The following DPF3 variants were observed in gnomAD, a reference collection of about 807,000 sequenced individuals.
The protein encoded by DPF3 is double PHD fingers 3, also known as zinc finger protein DPF3.
A neutral mutation model predicts 56.8 loss-of-function variants in DPF3; 18 were observed. The ratio of observed to expected loss-of-function variants is 0.32; its 90% CI spans 0.22 to 0.47. The LOEUF is 0.47. DPF3 is among the 20% of genes least tolerant of loss of function. The probability of loss-of-function intolerance (pLI) is 1.00; values close to 1 mark genes in which losing one functional copy is unlikely to be tolerated. For missense variants in DPF3, 403 were observed against 488.8 expected, an observed-to-expected ratio of 0.82 and a Z score of 1.65; for synonymous variants, 188 against 180.2, an observed-to-expected ratio of 1.04 and a Z score of -0.35.
rs552097902 is a variant in DPF3, at chr14:72,702,848, C to T, written c.605-9635G>A. 8.6e-4 allele frequency among the ~76,000 whole-genome samples: 131 copies of T among 152,246 alleles called. 1 individual carries two copies. Among genetic ancestry groups the T allele is most frequent in the African/African-American group, 3.0e-3 (125 of 41,550 alleles). ...TGGCCAGGCTTTTCTCAAAAGCCAA[C>T]GGTGGATCCAACCCCCAGGTGGGCT... On this transcript the variant is annotated intron_variant, in intron 6 of 10. Transcript: ENST00000556509.
At chr14:72,623,177 T>G (rs768170119) in intron 9 of DPF3, among the ~76,000 whole-genome samples, 4 of 152,230 alleles carry the variant, frequency 2.6e-5, no homozygotes, top group Non-Finnish European at 5.9e-5. Context: ...GTTGCCTATA[T>G]GCAGAGTGAA....
At chr14:72,783,657 T>A (rs1389377921) in intron 1 of DPF3, among the ~76,000 whole-genome samples, 1 of 152,046 alleles carries the variant, frequency 6.6e-6, no homozygotes, top group African/African-American at 2.4e-5. Context: ...TGGGGTGAGG[T>A]AGATAAACGA....
At chr14:72,876,075 G>T (rs555124797) in intron 1 of DPF3, among the ~76,000 whole-genome samples, 1 of 152,388 alleles carries the variant, frequency 6.6e-6, no homozygotes, top group South Asian at 2.1e-4. Flanking sequence ...AGGAAGAGAA[G>T]GAGGAGAAGG....
At chr14:72,791,859 T>A (rs1892447304) in intron 1 of DPF3, among the ~76,000 whole-genome samples, 1 of 152,188 alleles carries the variant, frequency 6.6e-6, no homozygotes, top group African/African-American at 2.4e-5. Context: ...TGCTGCCTCA[T>A]GACCGATCCC....
At chr14:72,661,909 G>T in intron 8 of DPF3, 2 of 963,874 alleles carry the variant, frequency 2.1e-6, no homozygotes, top group Non-Finnish European at 2.4e-6. Context: ...CTCTGTGTTC[G>T]AATCTATTGA....
chr14:72,871,693 G>A (rs1885907305), intron 1 of DPF3, among the ~76,000 whole-genome samples: 1 of 152,174 alleles, frequency 6.6e-6, no homozygotes, highest in Non-Finnish European at 1.5e-5. Flanking sequence ...CAGCACTTTG[G>A]GAGGGTGAGG....
chr14:72,808,897 C>T (rs182676418), intron 1 of DPF3, among the ~76,000 whole-genome samples: 2 of 152,238 alleles, frequency 1.3e-5, no homozygotes, highest in Non-Finnish European at 2.9e-5. Context: ...TCCAACCATA[C>T]TACCTACCTG....
Position 72,894,098 on chromosome 14 carries a change from A to G in DPF3, c.-10T>C. On this transcript the variant is annotated 5_prime_UTR_variant, in exon 1 of 11. Coordinates refer to ENST00000556509, the MANE Select transcript of DPF3 (RefSeq NM_001280542.3). Reference sequence around the variant, plus strand: ...GAATGACAGTCGCCATTTTGCTACAATGTAACAGAATATTGTCTCAGAGTT... The same window carrying G: ...GAATGACAGTCGCCATTTTGCTACAGTGTAACAGAATATTGTCTCAGAGTT... The G allele has an allele frequency of 2.7e-6, 4 of 1,489,502 alleles. No individual in the cohort carries two copies. Among genetic ancestry groups the G allele is most frequent in the Non-Finnish European group, 3.5e-6 (4 of 1,128,514 alleles). The allele number at this position is 1,489,502 out of a possible 1,614,324, so 92.3% of individuals were successfully genotyped here. A position where few individuals can be genotyped will look rare whatever the true frequency, so the allele number is the denominator to read the frequency against.
At chr14:72,817,904 C>A (rs537506518) in intron 1 of DPF3, among the ~76,000 whole-genome samples, 1 of 151,946 alleles carries the variant, frequency 6.6e-6, no homozygotes, top group African/African-American at 2.4e-5. Flanking sequence ...TCATGTTGTA[C>A]ACAAAAAATA....
rs761820621 is a variant in DPF3 at position 72,615,124 on chromosome 14, G to A, written c.*4173C>T. On this transcript the variant is annotated 3_prime_UTR_variant, in exon 11 of 11. Coordinates refer to ENST00000556509, the MANE Select transcript of DPF3 (RefSeq NM_001280542.3). ...TGAAGAGGGGCTAGGAGGGGCAGCCGGGGAGTGAGAGAAGAAGGGGCTGCT... is the reference window on the plus strand; with the variant it reads ...TGAAGAGGGGCTAGGAGGGGCAGCCAGGGAGTGAGAGAAGAAGGGGCTGCT... 3.3e-5 allele frequency among the ~76,000 whole-genome samples: 5 copies of A among 152,128 alleles called. No individual in the cohort carries two copies. Among genetic ancestry groups the A allele is most frequent in the Admixed American group, 6.5e-5 (1 of 15,284 alleles).
intron 1 of DPF3, 142 bp downstream of exon 1, chr14:72,893,915 A>G (rs1886879751): frequency 1.1e-6 from 1 of 871,336 alleles, no homozygotes; most frequent in Admixed American, 2.4e-5. Context: ...ATGAAGAAGT[A>G]AGAGCTGAAA....
chr14:72,609,411 T>C lies in DPF3; in HGVS notation c.*9886A>G, dbSNP rs909990403. 6.6e-6 allele frequency among the ~76,000 whole-genome samples: 1 copy of C among 152,184 alleles called. No homozygotes were observed. The highest frequency in any genetic ancestry group is 2.4e-5 in the African/African-American group (1 of 41,452). ...TCAGGTGTGGGCTGCTTCCAATCTG[T>C]AGGTTCTCCTGGAGATTGTCACAAT... On this transcript the variant is annotated 3_prime_UTR_variant, in exon 11 of 11. Coordinates refer to ENST00000556509, the MANE Select transcript of DPF3 (RefSeq NM_001280542.3).
chr14:72,633,766 CT>C, intron 8 of DPF3, among the ~76,000 whole-genome samples: 1 of 152,282 alleles, frequency 6.6e-6, no homozygotes, highest in South Asian at 2.1e-4. Context: ...AAATGTGCAT[CT>C]GAGCTGTCTC....
chr14:72,718,289 G>A (rs1889014450), intron 5 of DPF3, among the ~76,000 whole-genome samples: 2 of 152,174 alleles, frequency 1.3e-5, no homozygotes, highest in African/African-American at 4.8e-5. Context: ...TATTGAAGCT[G>A]AAAGACCCTT....
At chr14:72,695,776 A>G (rs1336426827) in intron 6 of DPF3, among the ~76,000 whole-genome samples, 1 of 152,226 alleles carries the variant, frequency 6.6e-6, no homozygotes, top group Non-Finnish European at 1.5e-5. Context: ...GATGGGTTTA[A>G]TAGAAGCCCA....
intron 1 of DPF3, among the ~76,000 whole-genome samples, chr14:72,874,446 T>C (rs2140115721): frequency 6.7e-6 from 1 of 149,830 alleles, no homozygotes. Context: ...GACACTGCAC[T>C]CCAGCCTAGG....
chr14:72,665,451 C>T (rs1203649772), intron 8 of DPF3, among the ~76,000 whole-genome samples: 1 of 152,160 alleles, frequency 6.6e-6, no homozygotes, highest in Non-Finnish European at 1.5e-5. Context: ...TCTGAGTCAC[C>T]AGTAATGGGG....
intron 5 of DPF3, among the ~76,000 whole-genome samples, chr14:72,715,565 G>C (rs1374941279): frequency 6.6e-6 from 1 of 151,952 alleles, no homozygotes; most frequent in South Asian, 2.1e-4. Context: ...CCTGGGGCCT[G>C]GCTTGGAAAA....
chr14:72,633,972 A>G (rs530079834), intron 8 of DPF3, among the ~76,000 whole-genome samples: 4 of 152,212 alleles, frequency 2.6e-5, no homozygotes, highest in Non-Finnish European at 5.9e-5. Context: ...TTCTGAAACA[A>G]TCTCATGGCT....
Sources: gnomAD v4.1 joint callset for allele counts (sites outside exome capture counted in the v4.1 genomes callset) on GRCh38, gnomAD v4.1.1 for gene constraint, MANE v1.5 for transcripts, NCBI Gene and HGNC (gene_info 2026-07-23, HGNC 2026-07-21) for gene names.